KLHL2: variants seen among roughly 807,000 people sequenced by gnomAD.
KLHL2 encodes the protein kelch like family member 2.
A neutral mutation model predicts 75.8 loss-of-function variants in KLHL2; 15 were observed. The observed-to-expected ratio is 0.20, with a 90% CI of 0.13 to 0.30. KLHL2 has a LOEUF of 0.30. Ranked by LOEUF, KLHL2 falls within the 10% of genes least tolerant of loss-of-function variation. KLHL2 has a pLI of 1.00. For missense variants in KLHL2, 381 were observed against 741.0 expected (o/e 0.51, Z 5.64); for synonymous variants, 214 against 251.9 (o/e 0.85, Z 1.42).
At chr4:165,284,522 G>A (rs991230471) in intron 5 of KLHL2, among the ~76,000 whole-genome samples, 4 of 152,058 alleles carry the variant, frequency 2.6e-5, no homozygotes, top group South Asian at 2.1e-4. Flanking sequence ...ACACCATCTC[G>A]GCGTGGATTT....
At chr4:165,263,805 G>GTTTTTT (rs55901119) in intron 5 of KLHL2, among the ~76,000 whole-genome samples, 3 of 66,478 alleles carry the variant, frequency 4.5e-5, no homozygotes, top group Non-Finnish European at 8.0e-5. Flanking sequence ...TTTTTACATT[G>GTTTTTT]TTTTTTTTTT....
intron 14 of KLHL2, among the ~76,000 whole-genome samples, chr4:165,320,514 C>G (rs1210974008): frequency 6.6e-6 from 1 of 152,064 alleles, no homozygotes; most frequent in Non-Finnish European, 1.5e-5. Context: ...GTCTACTTGC[C>G]CCTAAACACA....
intron 3 of KLHL2, among the ~76,000 whole-genome samples, chr4:165,237,788 C>A (rs1739473839): frequency 1.4e-5 from 2 of 143,770 alleles, no homozygotes; most frequent in Admixed American, 6.8e-5. Context: ...AGAGCCAAAT[C>A]TTTTTTGCCC....
chr4:165,270,891 G>T (rs9994064), intron 5 of KLHL2, among the ~76,000 whole-genome samples: 35,810 of 152,050 alleles, frequency 0.24, 6,311 homozygotes, highest in African/African-American at 0.5. Context: ...CTGCAGAAGC[G>T]GTCTGCTGCC....
chr4:165,322,005 T>A, intron 14 of KLHL2, 27 bp from the exon 15 acceptor site: 1 of 1,612,298 alleles, frequency 6.2e-7, no homozygotes, highest in Non-Finnish European at 8.5e-7. Flanking sequence ...TGTGACTTCT[T>A]TTTTCTCTCT....
chr4:165,230,765 A>G (rs964399854), intron 3 of KLHL2, among the ~76,000 whole-genome samples: 1 of 152,172 alleles, frequency 6.6e-6, no homozygotes, highest in Non-Finnish European at 1.5e-5. Flanking sequence ...TTATGTTTTT[A>G]GCTCTCTTTT....
intron 5 of KLHL2, among the ~76,000 whole-genome samples, chr4:165,267,565 A>T (rs374305400): frequency 2.6e-5 from 4 of 152,268 alleles, no homozygotes; most frequent in Admixed American, 6.5e-5. Context: ...ATCTATTGGG[A>T]TAATCATGTG....
At chr4:165,272,212 A>T (rs1207797639) in intron 5 of KLHL2, among the ~76,000 whole-genome samples, 1 of 152,176 alleles carries the variant, frequency 6.6e-6, no homozygotes, top group African/African-American at 2.4e-5. Flanking sequence ...TAGGAAGCCG[A>T]TTTACAGATG....
intron 14 of KLHL2, 139 bp downstream of exon 14, chr4:165,318,108 A>G: frequency 1.3e-6 from 1 of 742,876 alleles, no homozygotes; most frequent in South Asian, 1.9e-5. Flanking sequence ...GATGATTAAC[A>G]TTGGCTGTGT....
rs1741423974 is a variant in KLHL2 at position 165,258,929 on chromosome 4, G to A, written c.382-4268G>A. The stretch of plus-strand genomic sequence containing the variant: ...TGTAATCATTTGTGGGCCAGCTTCA[G>A]GATTTTGCTATATTCTACAAGTGCT... On this transcript the variant is annotated intron_variant, in intron 4 of 14. Coordinates refer to ENST00000226725, the MANE Select transcript of KLHL2 (RefSeq NM_007246.4). Among the ~76,000 whole-genome samples, 3 of 152,186 alleles carry A rather than the reference G, an allele frequency of 2.0e-5. 1 individual carries two copies. The Middle Eastern group carries it at 0.01, about 518-fold the overall frequency.
intron 4 of KLHL2, among the ~76,000 whole-genome samples, chr4:165,246,767 C>T (rs903083027): frequency 1.1e-4 from 17 of 152,036 alleles, no homozygotes; most frequent in Non-Finnish European, 2.4e-4. Flanking sequence ...TTAACTTTTA[C>T]CAGTTGGGCT....
At chr4:165,247,739 C>T (rs915839188) in intron 4 of KLHL2, among the ~76,000 whole-genome samples, 17 of 152,042 alleles carry the variant, frequency 1.1e-4, no homozygotes, top group African/African-American at 3.6e-4. Flanking sequence ...AGTAATTAGC[C>T]AAAAGGAAGA....
intron 1 of KLHL2, among the ~76,000 whole-genome samples, chr4:165,213,898 T>C (rs1214108437): frequency 6.6e-6 from 1 of 152,226 alleles, no homozygotes; most frequent in Non-Finnish European, 1.5e-5. Context: ...CTAAACTTTG[T>C]TTACATTCAT....
At chr4:165,219,157 T>C (rs1737785072) in intron 1 of KLHL2, among the ~76,000 whole-genome samples, 1 of 152,196 alleles carries the variant, frequency 6.6e-6, no homozygotes, top group African/African-American at 2.4e-5. Flanking sequence ...TAGCCTTGTG[T>C]GCTTAAAAAA....
At position 165,211,696 on chromosome 4, in the gene KLHL2, CAT is replaced by C. The variant is rs1297111003; in HGVS notation, c.26+3795_26+3796del. 2.6e-5 allele frequency among the ~76,000 whole-genome samples: 4 copies of C among 152,106 alleles called. No homozygotes were observed. In the East Asian group the frequency reaches 7.7e-4, roughly 29 times the overall value. On this transcript the variant is annotated intron_variant, in intron 1 of 14. Transcript: ENST00000226725. ...CAAACAAGGTAATGGTGAAAGAAGACATGTGGATCAATGTGTGTTGAAGGAAG... is the reference window on the plus strand; with the variant it reads ...CAAACAAGGTAATGGTGAAAGAAGACGTGGATCAATGTGTGTTGAAGGAAG...
intron 4 of KLHL2, among the ~76,000 whole-genome samples, chr4:165,246,242 G>A (rs1428917928): frequency 5.9e-5 from 9 of 152,166 alleles, no homozygotes; most frequent in Non-Finnish European, 1.2e-4. Flanking sequence ...AGAAAAGGAC[G>A]ATTATTATTT....
At chr4:165,270,149 T>G (rs1742571526) in intron 5 of KLHL2, among the ~76,000 whole-genome samples, 1 of 152,212 alleles carries the variant, frequency 6.6e-6, no homozygotes, top group South Asian at 2.1e-4. Flanking sequence ...AAAGTTCTCT[T>G]GCTGTGGTTT....
intron 5 of KLHL2, among the ~76,000 whole-genome samples, chr4:165,266,477 C>T (rs1742251165): frequency 6.6e-6 from 1 of 152,070 alleles, no homozygotes; most frequent in Non-Finnish European, 1.5e-5. Context: ...GTCTTTAACT[C>T]ATCTTGAGTT....
At chr4:165,211,341 G>C (rs1737189921) in intron 1 of KLHL2, among the ~76,000 whole-genome samples, 1 of 152,070 alleles carries the variant, frequency 6.6e-6, no homozygotes, top group South Asian at 2.1e-4. Flanking sequence ...CTGACTAAAG[G>C]ATTGTCTTTA....
Sources: allele counts gnomAD v4.1 joint callset (sites outside exome capture counted in the v4.1 genomes callset), GRCh38; gene constraint gnomAD v4.1.1; transcripts MANE v1.5; gene names NCBI Gene and HGNC (gene_info 2026-07-23, HGNC 2026-07-21).